SFMBT1: variants seen among roughly 807,000 people sequenced by gnomAD.
SFMBT1 encodes the protein scm-like with four MBT domains protein 1.
A neutral mutation model predicts 108.7 loss-of-function variants in SFMBT1; 32 were observed. The observed-to-expected ratio is 0.29, with a 90% CI of 0.22 to 0.40. The LOEUF is 0.40. Among genes scored for constraint, SFMBT1 ranks in the 10% least tolerant of loss-of-function variants. The probability of loss-of-function intolerance (pLI) is 1.00; values close to 1 mark genes in which losing one functional copy is unlikely to be tolerated. For missense variants in SFMBT1, 816 were observed against 1,059.6 expected, an observed-to-expected ratio of 0.77 and a Z score of 3.19; for synonymous variants, 348 against 369.5, an observed-to-expected ratio of 0.94 and a Z score of 0.67.
chr3:52,936,041 G>C (rs1450241954), intron 4 of SFMBT1, among the ~76,000 whole-genome samples: 1 of 152,128 alleles, frequency 6.6e-6, no homozygotes. Context: ...GGGGTGGTGA[G>C]GGTGAAAGAA....
At chr3:52,945,136 T>TG (rs1553636664) in intron 3 of SFMBT1, among the ~76,000 whole-genome samples, 2 of 48,540 alleles carry the variant, frequency 4.1e-5, no homozygotes, top group South Asian at 2.6e-3. Context: ...ACCTTCCAAT[T>TG]AAAAAAAAAA....
intron 1 of SFMBT1, chr3:53,045,391 C>A: frequency 7.1e-6 from 1 of 140,572 alleles, no homozygotes; most frequent in Admixed American, 7.0e-5. Flanking sequence ...CGGGGAGGGG[C>A]GCGCGGCGGG....
intron 13 of SFMBT1, among the ~76,000 whole-genome samples, chr3:52,916,705 C>G (rs2336160): frequency 6.6e-6 from 1 of 150,972 alleles, no homozygotes; most frequent in African/African-American, 2.4e-5. Context: ...ACAACAACAA[C>G]AAAAAACTAC....
At position 52,968,983 on chromosome 3, in the gene SFMBT1, AAAC is replaced by A. The variant is rs1210751905; in HGVS notation, c.28+115_28+117del. The A allele has an allele frequency of 4.0e-6, 5 of 1,236,228 alleles. No individual in the cohort carries two copies. In the African/African-American group the frequency reaches 6.0e-5, roughly 15 times the overall value. 76.6% of individuals were successfully genotyped at this position (1,236,228 alleles called of 1,614,324 possible). On this transcript the variant is annotated intron_variant, in intron 2 of 20. Coordinates refer to ENST00000394752, the MANE Select transcript of SFMBT1 (RefSeq NM_016329.4). ...GAGAGGTACAGAAGATGGCAATGAA[AAAC>A]AACTTAAGACTTCAAAGAGCTTCCA... is the stretch of plus-strand genomic sequence containing the variant.
Position 52,954,368 on chromosome 3 carries a change from A to G in SFMBT1, c.72T>C (p.Asp24=), listed in dbSNP as rs75577673. 619 of 1,613,952 alleles carry G rather than the reference A, an allele frequency of 3.8e-4. 4 individuals carry two copies. The African/African-American group carries it at 7.3e-3, about 19-fold the overall frequency. Residue 24 remains aspartate (D), a synonymous_variant, in exon 3 of 21, where the codon GAT becomes GAC. Coordinates refer to ENST00000394752, the MANE Select transcript of SFMBT1 (RefSeq NM_016329.4). ...GMEEVELSWE[D]YLEETGSTAV... ...CTGTGGACCCTGTTTCTTCTAGATA[A>G]TCTTCCCAGCTTAATTCTACCTCTT... is the stretch of plus-strand genomic sequence containing the variant.
chr3:53,031,681 T>C (rs1174051131), intron 1 of SFMBT1, among the ~76,000 whole-genome samples: 1 of 151,918 alleles, frequency 6.6e-6, no homozygotes, highest in Non-Finnish European at 1.5e-5. Flanking sequence ...TCCATTTACA[T>C]ACACATATTT....
rs188867615 is a variant in SFMBT1 at position 52,955,185 on chromosome 3, G to C, written c.29-774C>G. ...CCCAGCACTTTGGGAGGCTGAGGTG[G>C]GCAGATCACTTGAGGTCAAGAGTTC... On this transcript the variant is annotated intron_variant, in intron 2 of 20. Coordinates refer to ENST00000394752, the MANE Select transcript of SFMBT1 (RefSeq NM_016329.4). 1.5e-3 allele frequency among the ~76,000 whole-genome samples: 233 copies of C among 152,152 alleles called. 1 individual carries two copies. The highest frequency in any genetic ancestry group is 5.3e-3 in the African/African-American group (222 of 41,514).
intron 1 of SFMBT1, among the ~76,000 whole-genome samples, chr3:53,043,801 G>C (rs370618089): frequency 2.0e-5 from 3 of 152,254 alleles, no homozygotes; most frequent in East Asian, 3.9e-4. Flanking sequence ...TAAAAGCAAA[G>C]GGTCATGGCC....
At chr3:52,916,269 G>T in intron 13 of SFMBT1, 55 bp from the exon 14 acceptor site, 1 of 1,495,646 alleles carries the variant, frequency 6.7e-7, no homozygotes, top group Non-Finnish European at 9.3e-7. Context: ...TCAGTAAAGT[G>T]TGAGGCTTAG....
chr3:52,920,065 C>A (rs1007554538), intron 12 of SFMBT1, among the ~76,000 whole-genome samples: 83 of 152,228 alleles, frequency 5.5e-4, no homozygotes, highest in African/African-American at 2.0e-3. Context: ...CAACTATGGA[C>A]CAGGAAATGC....
At chr3:52,963,854 C>T (rs1704045634) in intron 2 of SFMBT1, among the ~76,000 whole-genome samples, 1 of 152,086 alleles carries the variant, frequency 6.6e-6, no homozygotes, top group African/African-American at 2.4e-5. Flanking sequence ...TGGTTGATAT[C>T]TAAAATGTTG....
At chr3:52,995,945 C>T (rs967315075) in intron 1 of SFMBT1, among the ~76,000 whole-genome samples, 1 of 148,868 alleles carries the variant, frequency 6.7e-6, no homozygotes, top group South Asian at 2.1e-4. Flanking sequence ...GTGGTATGTG[C>T]CTGTAGTCCC....
intron 10 of SFMBT1, 91 bp downstream of exon 10, chr3:52,925,940 T>C: frequency 8.5e-7 from 1 of 1,177,154 alleles, no homozygotes; most frequent in Middle Eastern, 2.1e-4. Flanking sequence ...AGTGAGATGA[T>C]TATCTTCAGA....
Position 52,907,562 on chromosome 3 carries a change from G to A in SFMBT1, c.2078C>T (p.Ser693Phe), listed in dbSNP as rs770410067. The A allele has an allele frequency of 1.9e-6, 3 of 1,612,942 alleles. No homozygotes were observed. The highest frequency in any genetic ancestry group is 2.2e-5 in the East Asian group (1 of 44,866). ...SASVDNTPAG[S>F]PQGSGGEDED... ...ACATCACAGATCTCATACCTGGGGA[G>A]AGCCCGCTGGGGTATTATCAACAGA... Residue 693 changes from serine (S) to phenylalanine (F), a missense_variant, in exon 18 of 21, where the codon TCT (serine) becomes TTT (phenylalanine). Around this residue, in one of 5 missense-constraint regions of SFMBT1, gnomAD observed 177 missense variants for 182.0 expected, o/e 0.97. Transcript: ENST00000394752.
At chr3:52,984,892 T>C (rs1704852693) in intron 1 of SFMBT1, among the ~76,000 whole-genome samples, 1 of 152,046 alleles carries the variant, frequency 6.6e-6, no homozygotes, top group Non-Finnish European at 1.5e-5. Context: ...CCTTAGCAAT[T>C]ACTGATTAGT....
At chr3:52,959,277 TAAAAAC>T (rs1190179102) in intron 2 of SFMBT1, among the ~76,000 whole-genome samples, 1 of 152,044 alleles carries the variant, frequency 6.6e-6, no homozygotes, top group Non-Finnish European at 1.5e-5. Flanking sequence ...TCCCGGAAAT[TAAAAAC>T]AAACAAAAAA....
intron 1 of SFMBT1, among the ~76,000 whole-genome samples, chr3:53,004,829 C>T (rs1698684449): frequency 7.5e-6 from 1 of 132,456 alleles, no homozygotes; most frequent in Non-Finnish European, 1.8e-5. Flanking sequence ...AGCAGCCATC[C>T]CTGGAACCGG....
At chr3:53,000,146 G>A (rs755371319) in intron 1 of SFMBT1, among the ~76,000 whole-genome samples, 7 of 150,140 alleles carry the variant, frequency 4.7e-5, no homozygotes, top group Non-Finnish European at 1.0e-4. Context: ...ACAGGCGTGA[G>A]CCACCGCACC....
chr3:52,994,424 T>C (rs1327897650), intron 1 of SFMBT1, among the ~76,000 whole-genome samples: 9 of 149,818 alleles, frequency 6.0e-5, no homozygotes, highest in African/African-American at 1.2e-4. Flanking sequence ...ACACCAACTA[T>C]TGAACTATCT....
Sources: gnomAD v4.1 joint callset for allele counts (sites outside exome capture counted in the v4.1 genomes callset) on GRCh38, gnomAD v4.1.1 for gene constraint, gnomAD v4.1.1 regional missense constraint, MANE v1.5 for transcripts, NCBI Gene and HGNC (gene_info 2026-07-23, HGNC 2026-07-21) for gene names.